USP12: variants seen among roughly 807,000 people sequenced by gnomAD.
The protein encoded by USP12 is ubiquitin carboxyl-terminal hydrolase 12.
In USP12, 19 loss-of-function variants were observed where a neutral mutation model predicts 45.5. The observed-to-expected ratio is 0.42, with a 90% CI of 0.29 to 0.61. The LOEUF is 0.61. USP12 is among the 20% of genes least tolerant of loss of function. USP12 has a pLI of 0.22. For missense variants in USP12, 242 were observed against 447.7 expected, an observed-to-expected ratio of 0.54 and a Z score of 4.15; for synonymous variants, 149 against 148.8, an observed-to-expected ratio of 1.00 and a Z score of -0.01.
intron 6 of USP12, among the ~76,000 whole-genome samples, chr13:27,086,606 C>T (rs1000311267): frequency 3.3e-5 from 5 of 151,964 alleles, no homozygotes; most frequent in Admixed American, 1.3e-4. Flanking sequence ...ACAAAGAGCT[C>T]GATTTTACAG....
Position 27,116,520 on chromosome 13 carries a change from A to G in USP12, c.125T>C (p.Val42Ala). 3 of 1,613,546 alleles carry G rather than the reference A, an allele frequency of 1.9e-6. No individual in the cohort carries two copies. The highest frequency in any genetic ancestry group is 2.5e-6 in the Non-Finnish European group (3 of 1,179,786). Residue 42 changes from valine to alanine, a missense_variant, in exon 2 of 9, where the codon GTC (valine) becomes GCC (alanine). Val to Ala is a moderately conservative substitution (Grantham distance 64). Transcript: ENST00000282344. ...AGCGTATCAATGGATACTTACATTG[A>G]CTAATCCAAAATAGTGCTCATTGAC... Reference protein sequence around the residue: ...FPVNEHYFGLVNFGNTCYCNS... With the variant: ...FPVNEHYFGLANFGNTCYCNS...
chr13:27,116,786 G>GCA (rs112471193), intron 1 of USP12, among the ~76,000 whole-genome samples, 190 bp from the exon 2 acceptor site: 6,946 of 152,176 alleles, frequency 0.046, 185 homozygotes, highest in Middle Eastern at 0.054. Context: ...ATGTTCAGAT[G>GCA]CACACTTATT....
Position 27,075,511 on chromosome 13 carries a change from C to T in USP12, c.735-123G>A, listed in dbSNP as rs915426232. The T allele has an allele frequency of 6.1e-6, 5 of 818,784 alleles. No individual in the cohort carries two copies. In the African/African-American group the frequency reaches 6.9e-5, roughly 11 times the overall value. 50.7% of individuals were successfully genotyped at this position (818,784 alleles called of 1,614,324 possible). On this transcript the variant is annotated intron_variant, in intron 6 of 8. Coordinates refer to ENST00000282344, the MANE Select transcript of USP12 (RefSeq NM_182488.4). ...GGTCAGTTTTAATAGCCCAGCAATG[C>T]CCAGTTTTGCACATTTCTATCAATT...
At position 27,108,954 on chromosome 13, in the gene USP12, A is replaced by T. The variant is rs138914322; in HGVS notation, c.130-3010T>A. ...AGACTTTCTCCACAAAAAAAGATAC[A>T]TATGTGTGTGTGTGTGTATATACAC... On this transcript the variant is annotated intron_variant, in intron 2 of 8. Transcript: ENST00000282344. Among the ~76,000 whole-genome samples, 3 of 152,164 alleles carry T rather than the reference A, an allele frequency of 2.0e-5. No homozygotes were observed. In the East Asian group the frequency reaches 5.8e-4, roughly 29 times the overall value.
At chr13:27,080,771 T>A (rs1189231595) in intron 6 of USP12, among the ~76,000 whole-genome samples, 1 of 152,188 alleles carries the variant, frequency 6.6e-6, no homozygotes, top group African/African-American at 2.4e-5. Flanking sequence ...TCATACACAT[T>A]TTTGGTTTCC....
intron 3 of USP12, among the ~76,000 whole-genome samples, chr13:27,104,635 T>C (rs1472332030): frequency 6.6e-6 from 1 of 152,212 alleles, no homozygotes; most frequent in Non-Finnish European, 1.5e-5. Flanking sequence ...GTGGGGAAAA[T>C]GAACAAATCT....
At position 27,066,835 on chromosome 13, in the gene USP12, T is replaced by C. The variant is rs1405857801; in HGVS notation, c.*2448A>G. ...AGTCAACCAACATACAACCTCACGA[T>C]GCTTTCTTCATGGGTCACTTTTCTT... On this transcript the variant is annotated 3_prime_UTR_variant, in exon 9 of 9. Transcript: ENST00000282344. 1 of 152,248 alleles carries C rather than the reference T, an allele frequency of 6.6e-6. No homozygotes were observed. The allele number at this position is 152,248 out of a possible 1,614,324, so 9.4% of individuals were successfully genotyped here. A position where few individuals can be genotyped will look rare whatever the true frequency, so the allele number is the denominator to read the frequency against.
chr13:27,108,223 G>A (rs1875240369), intron 2 of USP12, among the ~76,000 whole-genome samples: 1 of 152,030 alleles, frequency 6.6e-6, no homozygotes, highest in Admixed American at 6.6e-5. Context: ...ATGAGTTCAT[G>A]TCCTTTGTAG....
chr13:27,071,749 C>G (rs1873255611), intron 7 of USP12, among the ~76,000 whole-genome samples: 1 of 151,968 alleles, frequency 6.6e-6, no homozygotes, highest in African/African-American at 2.4e-5. Flanking sequence ...TATGATTGCC[C>G]CTGCATCTCA....
Position 27,125,653 on chromosome 13 carries a change from G to A in USP12, c.49-9057C>T, listed in dbSNP as rs1464942393. ...AGGGTGAGCGGAAGCAGGGTGGGGCGTCCCCTCACCCGGGAAGCGCAAGGG... is the reference window on the plus strand; with the variant it reads ...AGGGTGAGCGGAAGCAGGGTGGGGCATCCCCTCACCCGGGAAGCGCAAGGG... On this transcript the variant is annotated intron_variant, in intron 1 of 8. Transcript: ENST00000282344. Among the ~76,000 whole-genome samples, 9 of 152,238 alleles carry A rather than the reference G, an allele frequency of 5.9e-5. No homozygotes were observed. In the South Asian group the frequency reaches 6.2e-4, roughly 10 times the overall value.
chr13:27,165,540 G>C (rs1460159876), intron 1 of USP12, among the ~76,000 whole-genome samples: 2 of 149,418 alleles, frequency 1.3e-5, no homozygotes, highest in Non-Finnish European at 3.0e-5. Context: ...GATTACCATG[G>C]GCCAGGTACT....
At chr13:27,071,581 G>A (rs1873248430) in intron 7 of USP12, among the ~76,000 whole-genome samples, 3 of 152,016 alleles carry the variant, frequency 2.0e-5, no homozygotes, top group Admixed American at 2.0e-4. Flanking sequence ...TTTTCTTGAG[G>A]AAAGATCCAA....
At chr13:27,087,124 CGTGT>C (rs962595513) in intron 6 of USP12, among the ~76,000 whole-genome samples, 49 of 136,864 alleles carry the variant, frequency 3.6e-4, no homozygotes, top group African/African-American at 1.3e-3. Context: ...TGTGTGTGTG[CGTGT>C]GTGAGAGTGT....
chr13:27,088,521 G>C (rs897638217), intron 6 of USP12, among the ~76,000 whole-genome samples: 7 of 151,430 alleles, frequency 4.6e-5, no homozygotes, highest in Non-Finnish European at 1.0e-4. Flanking sequence ...CAAATAATAA[G>C]TGTCTCGCTG....
Position 27,158,725 on chromosome 13 carries a change from G to GTTAT in USP12, c.48+12866_48+12867insATAA, listed in dbSNP as rs533426563. ...CACACAGTTTCTGGCACTTTGTTAT[G>GTTAT]GCAGCCCTAGGAAACTAATAAAATT... On this transcript the variant is annotated intron_variant, in intron 1 of 8. Coordinates refer to ENST00000282344, the MANE Select transcript of USP12 (RefSeq NM_182488.4). Among the ~76,000 whole-genome samples, 468 of 152,164 alleles carry GTTAT rather than the reference G, an allele frequency of 3.1e-3. 3 individuals carry two copies. The highest frequency in any genetic ancestry group is 0.011 in the African/African-American group (451 of 41,504).
intron 1 of USP12, among the ~76,000 whole-genome samples, chr13:27,165,920 C>CA (rs1318205816): frequency 4.7e-5 from 7 of 149,590 alleles, no homozygotes; most frequent in African/African-American, 1.5e-4. Context: ...GGCTACAGAG[C>CA]AAAAAAAATA....
intron 1 of USP12, among the ~76,000 whole-genome samples, chr13:27,156,787 A>G (rs1877861943): frequency 6.6e-6 from 1 of 152,086 alleles, no homozygotes; most frequent in Non-Finnish European, 1.5e-5. Flanking sequence ...ACACCACTGC[A>G]CTCCAGCCTG....
At chr13:27,102,011 T>TGAACGAATG (rs1555234355) in intron 3 of USP12, among the ~76,000 whole-genome samples, 7 of 151,630 alleles carry the variant, frequency 4.6e-5, no homozygotes, top group Non-Finnish European at 8.8e-5. Context: ...TCCCATTTTT[T>TGAACGAATG]AATGAATGAA....
In USP12 at chr13:27,158,969, A is replaced by C. The variant is rs184707333; in HGVS notation, c.48+12623T>G. ...GGGGGTGACACACACACAATACCTCATGTTTGTATATGCACAGGTAATGTC... is the reference window on the plus strand; with the variant it reads ...GGGGGTGACACACACACAATACCTCCTGTTTGTATATGCACAGGTAATGTC... On this transcript the variant is annotated intron_variant, in intron 1 of 8. Transcript: ENST00000282344. 3.1e-3 allele frequency among the ~76,000 whole-genome samples: 468 copies of C among 152,332 alleles called. 2 individuals are homozygous for C. Among genetic ancestry groups the C allele is most frequent in the African/African-American group, 0.011 (445 of 41,574 alleles).
Sources: gnomAD v4.1 joint callset for allele counts (sites outside exome capture counted in the v4.1 genomes callset) on GRCh38, gnomAD v4.1.1 for gene constraint, MANE v1.5 for transcripts, NCBI Gene and HGNC (gene_info 2026-07-23, HGNC 2026-07-21) for gene names.